Variants in FARSB observed in about 807,000 individuals in gnomAD.
FARSB encodes phenylalanyl-tRNA synthetase subunit beta, also known as phenylalanine--tRNA ligase beta subunit.
FARSB carries 40 observed loss-of-function variants against 69.6 expected under a neutral mutation model. The ratio of observed to expected loss-of-function variants is 0.57; its 90% confidence interval spans 0.45 to 0.75. The LOEUF is 0.75. FARSB is among the 30% of genes least tolerant of loss of function. FARSB has a pLI of 0.00. For missense variants in FARSB, 632 were observed against 722.9 expected (o/e 0.87, Z 1.44); for synonymous variants, 235 against 247.2 (o/e 0.95, Z 0.46).
At chr2:222,599,692 T>C (rs1690510231) in intron 16 of FARSB, among the ~76,000 whole-genome samples, 1 of 152,206 alleles carries the variant, frequency 6.6e-6, no homozygotes, top group South Asian at 2.1e-4. Context: ...AACTAGGGGT[T>C]ACAGCTCAGT....
intron 15 of FARSB, 25 bp downstream of exon 15, chr2:222,613,786 C>A: frequency 2.2e-6 from 3 of 1,351,470 alleles, no homozygotes; most frequent in South Asian, 1.2e-5. Context: ...ATACACAAAT[C>A]AAATCAAAGG....
intron 2 of FARSB, among the ~76,000 whole-genome samples, chr2:222,644,342 T>C (rs1293478212): frequency 6.6e-6 from 1 of 151,746 alleles, no homozygotes; most frequent in Admixed American, 6.6e-5. Flanking sequence ...AGGAGGCAAA[T>C]TTTTATAATT....
At chr2:222,589,264 A>G (rs1690200967) in intron 16 of FARSB, among the ~76,000 whole-genome samples, 1 of 152,228 alleles carries the variant, frequency 6.6e-6, no homozygotes, top group Admixed American at 6.5e-5. Context: ...AAATGGGGAA[A>G]GGATTCCCTA....
chr2:222,652,997 T>C (rs1356194001), intron 1 of FARSB, among the ~76,000 whole-genome samples: 1 of 152,226 alleles, frequency 6.6e-6, no homozygotes, highest in Non-Finnish European at 1.5e-5. Flanking sequence ...TAATTTCCTC[T>C]AACGAAATGA....
At chr2:222,588,854 TAA>T (rs1390640438) in intron 16 of FARSB, among the ~76,000 whole-genome samples, 1 of 151,984 alleles carries the variant, frequency 6.6e-6, no homozygotes, top group Admixed American at 6.5e-5. Flanking sequence ...TTCAAGGAAA[TAA>T]AAGAGGACAC....
intron 4 of FARSB, 53 bp downstream of exon 4, chr2:222,640,809 G>T: frequency 2.3e-6 from 2 of 888,598 alleles, no homozygotes; most frequent in South Asian, 1.5e-5. Flanking sequence ...ACTTTATACA[G>T]ACATGTACAA....
chr2:222,623,858 C>A (rs1172321285), intron 12 of FARSB, 128 bp from the exon 13 acceptor site: 2 of 656,690 alleles, frequency 3.0e-6, no homozygotes, highest in East Asian at 5.5e-5. Flanking sequence ...AACCTTTTCA[C>A]CCTTACTAAC....
intron 10 of FARSB, among the ~76,000 whole-genome samples, chr2:222,627,368 C>A (rs1191236563): frequency 1.3e-5 from 2 of 152,212 alleles, no homozygotes; most frequent in Admixed American, 6.5e-5. Context: ...CCAAGCTAGC[C>A]TGCTATATGA....
chr2:222,613,128 A>G (rs1274155470), intron 15 of FARSB, among the ~76,000 whole-genome samples: 1 of 152,254 alleles, frequency 6.6e-6, no homozygotes, highest in Non-Finnish European at 1.5e-5. Flanking sequence ...TTGTTGAAAA[A>G]TGCTTTCCAT....
intron 15 of FARSB, among the ~76,000 whole-genome samples, chr2:222,612,356 C>T (rs371421398): frequency 6.6e-6 from 1 of 152,186 alleles, no homozygotes; most frequent in Admixed American, 6.5e-5. Context: ...GGGCAAATTA[C>T]CACTTTCTGT....
chr2:222,590,831 T>C (rs1164549130), intron 16 of FARSB, among the ~76,000 whole-genome samples: 1 of 152,142 alleles, frequency 6.6e-6, no homozygotes, highest in Non-Finnish European at 1.5e-5. Context: ...AATTAGACAA[T>C]GGGGACATCG....
intron 9 of FARSB, 65 bp downstream of exon 9, chr2:222,630,048 A>T: frequency 1.0e-6 from 1 of 998,812 alleles, no homozygotes; most frequent in Non-Finnish European, 1.5e-6. Flanking sequence ...GCCTATCTTT[A>T]CATTTAGCAC....
At chr2:222,652,300 A>C (rs903454741) in intron 1 of FARSB, among the ~76,000 whole-genome samples, 2 of 152,082 alleles carry the variant, frequency 1.3e-5, no homozygotes, top group African/African-American at 4.8e-5. Flanking sequence ...TGCATATGGG[A>C]GGAACTGAAT....
At chr2:222,596,571 A>G (rs922154452) in intron 16 of FARSB, among the ~76,000 whole-genome samples, 1 of 152,230 alleles carries the variant, frequency 6.6e-6, no homozygotes, top group African/African-American at 2.4e-5. Context: ...CAGACAACTC[A>G]GTAATCAAGA....
chr2:222,590,513 T>TAA (rs566615484), intron 16 of FARSB, among the ~76,000 whole-genome samples: 3 of 80,336 alleles, frequency 3.7e-5, no homozygotes, highest in African/African-American at 1.4e-4. Flanking sequence ...TTAACAGTAT[T>TAA]AAAAAAAAAA....
chr2:222,594,093 CAAAA>C (rs33937937), intron 16 of FARSB, among the ~76,000 whole-genome samples: 1 of 51,548 alleles, frequency 1.9e-5, no homozygotes, highest in African/African-American at 1.0e-4. Context: ...CCCGCCTCTA[CAAAA>C]AAAAAAAAAA....
chr2:222,586,073 A>T (rs933840232), intron 16 of FARSB, among the ~76,000 whole-genome samples: 20 of 152,324 alleles, frequency 1.3e-4, no homozygotes, highest in African/African-American at 3.8e-4. Flanking sequence ...AGATTCACCA[A>T]GGGTGAAATG....
chr2:222,643,280 C>A (rs987830259), intron 2 of FARSB, among the ~76,000 whole-genome samples: 5 of 152,242 alleles, frequency 3.3e-5, no homozygotes, highest in Middle Eastern at 3.4e-3. Context: ...GGTCAGCAAG[C>A]AATAGCCCCC....
chr2:222,645,543 AG>A (rs1691828420), intron 2 of FARSB, among the ~76,000 whole-genome samples: 1 of 152,134 alleles, frequency 6.6e-6, no homozygotes, highest in African/African-American at 2.4e-5. Context: ...AGCACTGAAT[AG>A]GTGAAGATAG....
Sources: allele counts gnomAD v4.1 joint callset (sites outside exome capture counted in the v4.1 genomes callset), GRCh38; gene constraint gnomAD v4.1.1; transcripts MANE v1.5; gene names NCBI Gene and HGNC (gene_info 2026-07-23, HGNC 2026-07-21).